The following GFRA1 variants were observed in gnomAD, a reference collection of about 807,000 sequenced individuals.
GFRA1 encodes the protein GDNF family receptor alpha 1, also known as GDNF family receptor alpha-1.
In GFRA1, 16 loss-of-function variants were observed where a neutral mutation model predicts 51.6. That is an observed-to-expected ratio of 0.31 (90% CI 0.21 to 0.47). The LOEUF is 0.47. Among genes scored for constraint, GFRA1 ranks in the 20% least tolerant of loss-of-function variants. GFRA1 has a pLI of 1.00. For missense variants in GFRA1, 530 were observed against 594.3 expected (o/e 0.89, Z 1.13); for synonymous variants, 270 against 241.3 (o/e 1.12, Z -1.10).
At chr10:116,101,771 G>T (rs1432835684) in intron 6 of GFRA1, among the ~76,000 whole-genome samples, 1 of 152,106 alleles carries the variant, frequency 6.6e-6, no homozygotes, top group Non-Finnish European at 1.5e-5. Context: ...TAAGACACGT[G>T]GTTGGTGGAA....
At chr10:116,104,067 C>G (rs1422961229) in intron 6 of GFRA1, among the ~76,000 whole-genome samples, 2 of 152,124 alleles carry the variant, frequency 1.3e-5, no homozygotes, top group African/African-American at 2.4e-5. Context: ...TCCACATGCC[C>G]CAGGTGCAGA....
intron 5 of GFRA1, among the ~76,000 whole-genome samples, chr10:116,187,995 G>C (rs1490928570): frequency 6.6e-6 from 1 of 152,142 alleles, no homozygotes; most frequent in East Asian, 1.9e-4. Flanking sequence ...AATCTAGACA[G>C]TAGACATCCC....
chr10:116,125,341 C>A lies in GFRA1; in HGVS notation c.650G>T (p.Arg217Leu), dbSNP rs200334587. The A allele has an allele frequency of 6.2e-7, 1 of 1,614,224 alleles. No homozygotes were observed. Among genetic ancestry groups the A allele is most frequent in the East Asian group, 2.2e-5 (1 of 44,874 alleles). ...HSYGMLFCSC[R>L]DIACTERRRQ... The stretch of plus-strand genomic sequence containing the variant: ...CCTCCGCTCTGTGCAGGCGATGTCC[C>A]GGCAGGAGCAGAAGAGCATTCCGTA... The change falls in exon 6 of 11, where the codon CGG becomes CTG. Residue 217 changes from arginine (R) to leucine (L), a missense_variant. Arg to Leu is a moderately radical substitution (Grantham distance 102). Coordinates refer to ENST00000355422, the MANE Select transcript of GFRA1 (RefSeq NM_005264.8).
chr10:116,271,573 C>A (rs1843942563), intron 2 of GFRA1, among the ~76,000 whole-genome samples: 1 of 152,108 alleles, frequency 6.6e-6, no homozygotes, highest in South Asian at 2.1e-4. Context: ...CCATGGTCAG[C>A]GGTCCGCCGG....
chr10:116,101,168 A>C (rs1470601360), intron 6 of GFRA1, among the ~76,000 whole-genome samples: 1 of 152,100 alleles, frequency 6.6e-6, no homozygotes, highest in African/African-American at 2.4e-5. Flanking sequence ...TCCCCTGCCC[A>C]CCCTGGGTTA....
chr10:116,137,968 A>T (rs1378970491), intron 5 of GFRA1, among the ~76,000 whole-genome samples: 1 of 151,806 alleles, frequency 6.6e-6, no homozygotes, highest in Admixed American at 6.6e-5. Flanking sequence ...CACCTGGCTA[A>T]TTTTTTGTAT....
intron 4 of GFRA1, among the ~76,000 whole-genome samples, chr10:116,254,227 C>A (rs886544029): frequency 7.5e-5 from 11 of 146,472 alleles, no homozygotes; most frequent in Non-Finnish European, 1.6e-4. Context: ...GAGGCTGAGG[C>A]AGGATAATTT....
intron 8 of GFRA1, 114 bp from the exon 9 acceptor site, chr10:116,090,036 C>G (rs1264021026): frequency 2.1e-6 from 2 of 959,916 alleles, no homozygotes; most frequent in Non-Finnish European, 3.2e-6. Flanking sequence ...TTGGACTTCT[C>G]TGAACAAAAC....
intron 5 of GFRA1, among the ~76,000 whole-genome samples, chr10:116,132,686 G>A (rs1958152036): frequency 3.3e-5 from 5 of 152,060 alleles, no homozygotes; most frequent in Admixed American, 3.3e-4. Context: ...TGAAATCACA[G>A]GATATATAAA....
intron 5 of GFRA1, among the ~76,000 whole-genome samples, chr10:116,128,671 A>G (rs1957973539): frequency 1.4e-5 from 2 of 143,794 alleles, no homozygotes; most frequent in African/African-American, 2.6e-5. Context: ...GCTTGCAGTG[A>G]GCCAAGACTG....
At chr10:116,196,599 A>ATATAT (rs1399317291) in intron 5 of GFRA1, among the ~76,000 whole-genome samples, 147 of 11,694 alleles carry the variant, frequency 0.013, 14 homozygotes, top group African/African-American at 0.021. Context: ...TATATATAAT[A>ATATAT]TATATATAGT....
chr10:116,216,993 T>C (rs1199444060), intron 4 of GFRA1, among the ~76,000 whole-genome samples: 1 of 152,230 alleles, frequency 6.6e-6, no homozygotes, highest in Admixed American at 6.5e-5. Context: ...ATTCAGTCGG[T>C]ACATTTCTTC....
At chr10:116,222,426 T>A (rs1210322451) in intron 4 of GFRA1, among the ~76,000 whole-genome samples, 3 of 152,160 alleles carry the variant, frequency 2.0e-5, no homozygotes, top group Non-Finnish European at 4.4e-5. Context: ...CAGGAACTCC[T>A]GACCTCAGGT....
chr10:116,255,402 G>A (rs1223834698), intron 4 of GFRA1, among the ~76,000 whole-genome samples: 1 of 151,176 alleles, frequency 6.6e-6, no homozygotes, highest in Non-Finnish European at 1.5e-5. Flanking sequence ...CATAGCCAGT[G>A]AACCTTATAC....
intron 6 of GFRA1, among the ~76,000 whole-genome samples, chr10:116,117,557 G>GGGTGGATGGATGGATGGA (rs1555152575): frequency 1.0e-5 from 1 of 97,348 alleles, no homozygotes; most frequent in African/African-American, 4.2e-5. Flanking sequence ...GGGTGGGTGT[G>GGGTGGATGGATGGATGGA]TGGATGGATG....
chr10:116,171,517 G>A (rs1233510942), intron 5 of GFRA1, among the ~76,000 whole-genome samples: 1 of 152,240 alleles, frequency 6.6e-6, no homozygotes, highest in South Asian at 2.1e-4. Context: ...ATTGAAAATG[G>A]ATGCCTAGAC....
intron 4 of GFRA1, among the ~76,000 whole-genome samples, chr10:116,249,844 C>T (rs930578115): frequency 6.6e-6 from 1 of 152,176 alleles, no homozygotes; most frequent in African/African-American, 2.4e-5. Flanking sequence ...ATTACAGAAA[C>T]AGACACACAA....
intron 4 of GFRA1, among the ~76,000 whole-genome samples, chr10:116,242,255 A>G (rs1054518183): frequency 1.3e-5 from 2 of 152,202 alleles, no homozygotes; most frequent in African/African-American, 2.4e-5. Flanking sequence ...TCTGGTTACA[A>G]TTATGTGCAG....
At chr10:116,084,525 C>T (rs149879199) in intron 9 of GFRA1, among the ~76,000 whole-genome samples, 37 of 152,286 alleles carry the variant, frequency 2.4e-4, no homozygotes, top group East Asian at 1.2e-3. Flanking sequence ...CGGTCTGTCA[C>T]GCATTTCCAG....
Sources: allele counts gnomAD v4.1 joint callset (sites outside exome capture counted in the v4.1 genomes callset), GRCh38; gene constraint gnomAD v4.1.1; transcripts MANE v1.5; gene names NCBI Gene and HGNC (gene_info 2026-07-23, HGNC 2026-07-21).